The following MTUS2 variants were observed in gnomAD, a reference collection of about 807,000 sequenced individuals.
MTUS2 encodes the protein microtubule-associated tumor suppressor candidate 2.
A neutral mutation model predicts 114.1 loss-of-function variants in MTUS2; 40 were observed. That is an observed-to-expected ratio of 0.35 (90% confidence interval 0.27 to 0.46). The LOEUF (loss-of-function observed/expected upper bound fraction) is 0.46, where lower values mean the gene tolerates loss of function less well. Among genes scored for constraint, MTUS2 ranks in the 20% least tolerant of loss-of-function variants. MTUS2 has a pLI of 1.00. For synonymous variants in MTUS2, 688 were observed against 672.0 expected, an observed-to-expected ratio of 1.02 and a Z score of -0.37; for missense variants, 1,679 against 1,705.4, an observed-to-expected ratio of 0.98 and a Z score of 0.27.
intron 4 of MTUS2, among the ~76,000 whole-genome samples, chr13:29,096,717 A>T (rs1338040732): frequency 1.3e-5 from 2 of 152,032 alleles, no homozygotes; most frequent in Non-Finnish European, 2.9e-5. Flanking sequence ...GATTGGGCAA[A>T]ATCTCTCAGT....
At position 28,982,725 on chromosome 13, in the gene MTUS2, A is replaced by G. The variant is rs529875747; in HGVS notation, c.-242-41732A>G. On this transcript the variant is annotated intron_variant, in intron 2 of 15. Transcript: ENST00000612955. ...AGGAAATTCTGACACGTGCTACAAC[A>G]TGGATGAACCTTGAGCATATTAGCG... Among the ~76,000 whole-genome samples the G allele has an allele frequency of 9.8e-5, 15 of 152,364 alleles. No homozygotes were observed. In the South Asian group the frequency reaches 1.9e-3, roughly 19 times the overall value.
In MTUS2 at chr13:29,188,007, GCTCCTA is replaced by G. The variant is rs541774873; in HGVS notation, c.2644+87038_2644+87043del. Among the ~76,000 whole-genome samples the G allele has an allele frequency of 9.2e-5, 14 of 152,246 alleles. No individual in the cohort carries two copies. In the South Asian group the frequency reaches 2.1e-3, roughly 23 times the overall value. On this transcript the variant is annotated intron_variant, in intron 5 of 15. Transcript: ENST00000612955. ...CCCCATAGAAGCTACCAGGACCTTGGCTCCTAGCCTGACTGTCCATCACCTGGAGAA... is the reference window on the plus strand; with the variant it reads ...CCCCATAGAAGCTACCAGGACCTTGGGCCTGACTGTCCATCACCTGGAGAA...
chr13:29,268,112 A>C (rs1166184251), intron 5 of MTUS2, among the ~76,000 whole-genome samples: 1 of 152,094 alleles, frequency 6.6e-6, no homozygotes, highest in African/African-American at 2.4e-5. Context: ...CTCGTCATCT[A>C]CATTAGGTAT....
intron 7 of MTUS2, among the ~76,000 whole-genome samples, chr13:29,326,466 G>C (rs9506140): frequency 0.81 from 122,956 of 151,902 alleles, 50,652 homozygotes; most frequent in East Asian, 0.91. Context: ...TCTAAGATGA[G>C]CAATAAAATA....
At chr13:29,115,452 C>A (rs1891049696) in intron 5 of MTUS2, among the ~76,000 whole-genome samples, 1 of 152,146 alleles carries the variant, frequency 6.6e-6, no homozygotes, top group Non-Finnish European at 1.5e-5. Context: ...TTTGACCAGG[C>A]CATATGTCAG....
intron 8 of MTUS2, among the ~76,000 whole-genome samples, chr13:29,373,105 A>G (rs531287746): frequency 6.6e-6 from 1 of 152,350 alleles, no homozygotes; most frequent in South Asian, 2.1e-4. Flanking sequence ...AAAGAGCTCC[A>G]GGAGAAACTT....
At chr13:28,874,583 T>G (rs939828648) in intron 2 of MTUS2, among the ~76,000 whole-genome samples, 1 of 152,114 alleles carries the variant, frequency 6.6e-6, no homozygotes, top group East Asian at 1.9e-4. Flanking sequence ...CCCATGTGTG[T>G]CTTTCTGTGG....
At chr13:28,943,919 A>T (rs1882377183) in intron 2 of MTUS2, among the ~76,000 whole-genome samples, 1 of 152,268 alleles carries the variant, frequency 6.6e-6, no homozygotes, top group Non-Finnish European at 1.5e-5. Flanking sequence ...GCTTCTTTTT[A>T]AAAAAATCAA....
chr13:29,220,478 T>A (rs1156276561), intron 5 of MTUS2, among the ~76,000 whole-genome samples: 5 of 152,210 alleles, frequency 3.3e-5, no homozygotes, highest in Non-Finnish European at 7.3e-5. Context: ...TCCTTTTGAC[T>A]GAACACTTAG....
chr13:29,010,970 C>T (rs1483084648), intron 2 of MTUS2, among the ~76,000 whole-genome samples: 1 of 152,140 alleles, frequency 6.6e-6, no homozygotes, highest in Non-Finnish European at 1.5e-5. Context: ...CTGTCAGGAC[C>T]ACCTGCCAGA....
chr13:28,931,610 C>T (rs1018227784), intron 2 of MTUS2, among the ~76,000 whole-genome samples: 1 of 152,128 alleles, frequency 6.6e-6, no homozygotes, highest in Non-Finnish European at 1.5e-5. Context: ...ATTCCTCGGT[C>T]TCCAGAAGTT....
intron 2 of MTUS2, among the ~76,000 whole-genome samples, chr13:28,981,594 A>G (rs2035668438): frequency 1.3e-5 from 2 of 152,194 alleles, no homozygotes; most frequent in African/African-American, 4.8e-5. Flanking sequence ...AAGTGATGGA[A>G]AAAAGTAGAG....
chr13:29,485,620 C>T (rs961875434), intron 10 of MTUS2, among the ~76,000 whole-genome samples: 1 of 152,122 alleles, frequency 6.6e-6, no homozygotes, highest in Non-Finnish European at 1.5e-5. Context: ...TATATCATGC[C>T]ATTACATTAC....
chr13:29,065,686 AGGAGGAGCAGAT>A (rs1178172173), intron 4 of MTUS2, among the ~76,000 whole-genome samples: 1 of 152,200 alleles, frequency 6.6e-6, no homozygotes, highest in African/African-American at 2.4e-5. Context: ...TGTAGAACTC[AGGAGGAGCAGAT>A]GGAGAGGCTG....
chr13:29,415,205 A>T (rs1476684217), intron 8 of MTUS2, among the ~76,000 whole-genome samples: 1 of 151,910 alleles, frequency 6.6e-6, no homozygotes, highest in African/African-American at 2.4e-5. Context: ...TTTCTTTGTG[A>T]TCAATTTTGA....
chr13:29,364,456 T>C (rs377714701), intron 8 of MTUS2, among the ~76,000 whole-genome samples: 1 of 152,154 alleles, frequency 6.6e-6, no homozygotes, highest in African/African-American at 2.4e-5. Flanking sequence ...AAAAGTGCAG[T>C]GATTGCTCTA....
intron 4 of MTUS2, among the ~76,000 whole-genome samples, chr13:29,084,796 C>A (rs1223881535): frequency 7.3e-6 from 1 of 136,248 alleles, no homozygotes; most frequent in African/African-American, 2.6e-5. Context: ...CCCCCCTCAC[C>A]GTTGGCCTTC....
At chr13:29,061,417 A>G (rs1352777401) in intron 4 of MTUS2, among the ~76,000 whole-genome samples, 4 of 152,196 alleles carry the variant, frequency 2.6e-5, no homozygotes, top group African/African-American at 9.6e-5. Flanking sequence ...CAGCTGCCTC[A>G]TAGCTGTTCT....
chr13:29,465,919 C>T (rs1427533786), intron 9 of MTUS2, among the ~76,000 whole-genome samples: 7 of 152,182 alleles, frequency 4.6e-5, no homozygotes, highest in African/African-American at 1.2e-4. Flanking sequence ...ATGGAGAAAC[C>T]GCAACCATGA....
Sources: allele counts gnomAD v4.1 joint callset (sites outside exome capture counted in the v4.1 genomes callset), GRCh38; gene constraint gnomAD v4.1.1; transcripts MANE v1.5; gene names NCBI Gene and HGNC (gene_info 2026-07-23, HGNC 2026-07-21).